IBTK: variants seen among roughly 807,000 people sequenced by gnomAD.
IBTK encodes BTK-binding protein.
In IBTK, 83 loss-of-function variants were observed where a neutral mutation model predicts 154.9. The observed-to-expected ratio is 0.54, with a 90% CI of 0.45 to 0.64. IBTK has a LOEUF of 0.64. Ranked by LOEUF, IBTK falls within the 30% of genes least tolerant of loss-of-function variation. The pLI is 0.00. For missense variants in IBTK, 1,332 were observed against 1,584.6 expected (o/e 0.84, Z 2.71); for synonymous variants, 515 against 536.1 (o/e 0.96, Z 0.54).
At chr6:82,242,384 AT>A (rs913337964) in intron 1 of IBTK, among the ~76,000 whole-genome samples, 22 of 150,684 alleles carry the variant, frequency 1.5e-4, no homozygotes, top group African/African-American at 5.4e-4. Flanking sequence ...AAAAAAAAAA[AT>A]TAATGGCAAT....
intron 2 of IBTK, among the ~76,000 whole-genome samples, chr6:82,239,360 G>A (rs1770853795): frequency 6.6e-6 from 1 of 151,986 alleles, no homozygotes; most frequent in South Asian, 2.1e-4. Context: ...GGAGAATGGT[G>A]TGAACCCGGG....
At chr6:82,198,300 C>G (rs1490669167) in intron 21 of IBTK, among the ~76,000 whole-genome samples, 4 of 152,076 alleles carry the variant, frequency 2.6e-5, no homozygotes, top group Non-Finnish European at 5.9e-5. Flanking sequence ...CCACCCCTGC[C>G]TCCTTCTAAA....
Position 82,171,389 on chromosome 6 carries a change from A to G in IBTK, c.*36T>C, listed in dbSNP as rs368471443. On this transcript the variant is annotated 3_prime_UTR_variant, in exon 29 of 29. Transcript: ENST00000306270. ...AGCTTTTCTTTATATGAACAAACTC[A>G]TAATTATGTAAAATGCATCTCAACT... The G allele has an allele frequency of 1.9e-6, 3 of 1,577,862 alleles. No homozygotes were observed. Among genetic ancestry groups the G allele is most frequent in the South Asian group, 1.1e-5 (1 of 87,086 alleles).
intron 4 of IBTK, among the ~76,000 whole-genome samples, chr6:82,227,620 G>A (rs1770344221): frequency 6.6e-6 from 1 of 151,972 alleles, no homozygotes; most frequent in Non-Finnish European, 1.5e-5. Flanking sequence ...GTAGCCAGTT[G>A]TTTTCCAGTT....
At position 82,171,231 on chromosome 6, in the gene IBTK, T is replaced by A. The variant is rs1183481106; in HGVS notation, c.*194A>T. On this transcript the variant is annotated 3_prime_UTR_variant, in exon 29 of 29. Transcript: ENST00000306270. Reference sequence around the variant, plus strand: ...TTGTCTCACACATTTTATATAAAGTTACTAAAATCACAATTCTGAGAAATT... The same window carrying A: ...TTGTCTCACACATTTTATATAAAGTAACTAAAATCACAATTCTGAGAAATT... The A allele has an allele frequency of 5.3e-6, 2 of 378,760 alleles. No homozygotes were observed. Among genetic ancestry groups the A allele is most frequent in the African/African-American group, 4.2e-5 (2 of 47,770 alleles). The allele number at this position is 378,760 out of a possible 1,614,324, so 23.5% of individuals were successfully genotyped here.
At chr6:82,194,377 A>G (rs1241811454) in intron 23 of IBTK, 102 bp downstream of exon 23, 3 of 858,722 alleles carry the variant, frequency 3.5e-6, no homozygotes, top group African/African-American at 1.8e-5. Context: ...TTAGAAATTT[A>G]TATTAATATT....
intron 25 of IBTK, among the ~76,000 whole-genome samples, chr6:82,184,804 A>G (rs1768478005): frequency 1.3e-5 from 2 of 152,212 alleles, no homozygotes; most frequent in Admixed American, 6.5e-5. Flanking sequence ...TAATGTAAAC[A>G]TATTTTTAAA....
At chr6:82,234,726 C>A (rs1171567454) in intron 2 of IBTK, among the ~76,000 whole-genome samples, 1 of 152,126 alleles carries the variant, frequency 6.6e-6, no homozygotes, top group East Asian at 1.9e-4. Flanking sequence ...CTCATATTCA[C>A]ACACATTTTT....
At chr6:82,198,179 C>CA (rs1402571263) in intron 21 of IBTK, among the ~76,000 whole-genome samples, 2 of 152,126 alleles carry the variant, frequency 1.3e-5, no homozygotes, top group African/African-American at 4.8e-5. Context: ...CATATGGTAA[C>CA]AATAACATTA....
At chr6:82,175,794 C>G (rs1169356164) in intron 26 of IBTK, among the ~76,000 whole-genome samples, 1 of 152,090 alleles carries the variant, frequency 6.6e-6, no homozygotes, top group Non-Finnish European at 1.5e-5. Flanking sequence ...CTTTGGGAGG[C>G]CGAGGCAGGC....
intron 4 of IBTK, among the ~76,000 whole-genome samples, chr6:82,229,142 T>C (rs1283125151): frequency 2.0e-5 from 3 of 152,144 alleles, no homozygotes; most frequent in African/African-American, 7.2e-5. Flanking sequence ...GACTGAAATT[T>C]ATACTGATTT....
intron 19 of IBTK, 45 bp from the exon 20 acceptor site, chr6:82,200,753 GTTTTTTTTTTTTT>G (rs138809525): frequency 6.1e-5 from 24 of 393,364 alleles, no homozygotes; most frequent in African/African-American, 3.7e-4. Flanking sequence ...AATCTGTGAA[GTTTTTTTTTTTTT>G]TTTTTTTTTT....
rs369602344 is a variant in IBTK at position 82,201,463 on chromosome 6, C to T, written c.2749G>A (p.Asp917Asn). The T allele has an allele frequency of 3.7e-5, 59 of 1,607,364 alleles. No homozygotes were observed. Among genetic ancestry groups the T allele is most frequent in the Admixed American group, 2.2e-4 (13 of 59,370 alleles). The part of the protein sequence containing the change: ...LEARSLDVLS[D>N]GVLKDLSEFY... ...TCAGAAAGATCCTTCAAAACACCAT[C>T]GCTTAAAACATCAAGAGACCTAAAA... The change falls in exon 19 of 29, where the codon GAT becomes AAT. Residue 917 changes from aspartate to asparagine, a missense_variant. Physicochemically the swap from Asp to Asn is conservative, Grantham distance 23 (BLOSUM62 1). Around this residue, in one of 3 missense-constraint regions of IBTK, gnomAD observed 1,134 missense variants for 1,274.7 expected, o/e 0.89. Transcript: ENST00000306270.
intron 4 of IBTK, 134 bp downstream of exon 4, chr6:82,231,584 C>T: frequency 3.5e-6 from 2 of 578,222 alleles, no homozygotes; most frequent in Non-Finnish European, 5.8e-6. Flanking sequence ...TAGCAAAGTT[C>T]TATTGATTGA....
In IBTK at chr6:82,240,757, G is replaced by A. The variant is rs1770915453; in HGVS notation, c.-271C>T. 8.6e-6 allele frequency: 4 copies of A among 464,534 alleles called. No individual in the cohort carries two copies. Among genetic ancestry groups the A allele is most frequent in the African/African-American group, 2.0e-5 (1 of 49,592 alleles). 28.8% of individuals were successfully genotyped at this position (464,534 alleles called of 1,614,324 possible). ...ATTCCACAGTTTATAAATTATTCCT[G>A]GAGTCAAGCACCAAGGGGGAGTGAG... On this transcript the variant is annotated 5_prime_UTR_variant, in exon 2 of 29. Transcript: ENST00000306270.
At chr6:82,239,194 C>T (rs1306054326) in intron 2 of IBTK, among the ~76,000 whole-genome samples, 4 of 151,962 alleles carry the variant, frequency 2.6e-5, no homozygotes, top group Admixed American at 1.3e-4. Flanking sequence ...GTAATCCCAG[C>T]ACTTTGGGAG....
intron 2 of IBTK, 133 bp downstream of exon 2, chr6:82,240,033 T>C: frequency 1.5e-6 from 1 of 666,006 alleles, no homozygotes; most frequent in Non-Finnish European, 2.5e-6. Context: ...AAAGATCAGT[T>C]ACAGTAGTAA....
chr6:82,175,006 C>T, intron 26 of IBTK: 1 of 456,152 alleles, frequency 2.2e-6, no homozygotes, highest in South Asian at 1.5e-5. Flanking sequence ...TACAAAACTT[C>T]AATCATTATG....
chr6:82,242,445 C>T (rs1274670791), intron 1 of IBTK, among the ~76,000 whole-genome samples: 2 of 151,868 alleles, frequency 1.3e-5, no homozygotes, highest in Non-Finnish European at 2.9e-5. Flanking sequence ...ACTATATCAC[C>T]ACCACCAACA....
Sources: gnomAD v4.1 joint callset for allele counts (sites outside exome capture counted in the v4.1 genomes callset) on GRCh38, gnomAD v4.1.1 for gene constraint, gnomAD v4.1.1 regional missense constraint, MANE v1.5 for transcripts, NCBI Gene and HGNC (gene_info 2026-07-23, HGNC 2026-07-21) for gene names.